Variants in NOSTRIN observed in about 807,000 individuals in gnomAD.
NOSTRIN encodes the protein nitric oxide synthase trafficking.
NOSTRIN carries 63 observed loss-of-function variants against 59.0 expected under a neutral mutation model. The ratio of observed to expected loss-of-function variants is 1.07; its 90% CI spans 0.87 to 1.32. The LOEUF (loss-of-function observed/expected upper bound fraction) is 1.32. Ranked by LOEUF, NOSTRIN falls within the 40% of genes most tolerant of loss-of-function variation. NOSTRIN has a pLI of 0.00. For synonymous variants in NOSTRIN, 200 were observed against 165.4 expected (o/e 1.21, Z -1.61); for missense variants, 512 against 473.1 (o/e 1.08, Z -0.76).
intron 3 of NOSTRIN, among the ~76,000 whole-genome samples, chr2:168,826,220 G>GAGGGGTGTAGGGGTGT (rs113089158): frequency 1.3e-5 from 2 of 151,040 alleles, no homozygotes; most frequent in East Asian, 1.9e-4. Context: ...CCTAAGGAAT[G>GAGGGGTGTAGGGGTGT]AGGGGTGTAG....
intron 4 of NOSTRIN, 60 bp downstream of exon 4, chr2:168,828,280 G>GT: frequency 1.1e-6 from 1 of 871,904 alleles, no homozygotes; most frequent in Non-Finnish European, 2.0e-6. Flanking sequence ...TTTAAAGTGG[G>GT]TTTGCTACAA....
In NOSTRIN at chr2:168,860,804, C is replaced by T; in HGVS notation, c.1189C>T (p.His397Tyr). 1.2e-6 allele frequency: 2 copies of T among 1,602,612 alleles called. No homozygotes were observed. The highest frequency in any genetic ancestry group is 8.6e-7 in the Non-Finnish European group (1 of 1,169,548). ...TATGTCATTTGAACAGGAGCATACT[C>T]ATAGCTATGTGAAAATATCTCGGCC... The part of the protein sequence containing the change: ...IFRWREKEHT[H>Y]SYVKISRPFL... Residue 397 changes from histidine (H) to tyrosine (Y), a missense_variant, in exon 14 of 16, where the codon CAT becomes TAT. His to Tyr is a moderately conservative substitution (Grantham distance 83, BLOSUM62 2). Coordinates refer to ENST00000317647, the MANE Select transcript of NOSTRIN (RefSeq NM_001039724.4).
chr2:168,839,709 T>C (rs1214517640), intron 7 of NOSTRIN, among the ~76,000 whole-genome samples: 1 of 149,270 alleles, frequency 6.7e-6, no homozygotes, highest in East Asian at 2.0e-4. Context: ...AGGTCAGGAG[T>C]TCAAGACCAG....
chr2:168,863,677 AGT>A, intron 15 of NOSTRIN: 22 of 983,758 alleles, frequency 2.2e-5, no homozygotes, highest in Non-Finnish European at 2.7e-5. Context: ...GCTGTGAGTG[AGT>A]TAAACTTTTG....
chr2:168,846,902 C>A (rs913548569), intron 8 of NOSTRIN, among the ~76,000 whole-genome samples: 1 of 152,168 alleles, frequency 6.6e-6, no homozygotes, highest in Non-Finnish European at 1.5e-5. Flanking sequence ...ATAAAATGGA[C>A]GCCTCAGGAC....
intron 7 of NOSTRIN, among the ~76,000 whole-genome samples, chr2:168,840,849 ACT>A (rs1182942214): frequency 1.3e-5 from 2 of 152,140 alleles, no homozygotes; most frequent in African/African-American, 4.8e-5. Flanking sequence ...TATAGTCAAA[ACT>A]CAGATTTTCT....
intron 2 of NOSTRIN, among the ~76,000 whole-genome samples, chr2:168,813,582 T>C (rs1284908437): frequency 6.6e-6 from 1 of 152,182 alleles, no homozygotes; most frequent in East Asian, 1.9e-4. Context: ...CCTATTAATG[T>C]GTGAAACCCT....
At chr2:168,819,483 C>T (rs889605907) in intron 2 of NOSTRIN, among the ~76,000 whole-genome samples, 1 of 152,138 alleles carries the variant, frequency 6.6e-6, no homozygotes, top group Admixed American at 6.5e-5. Context: ...TATAAAGGAG[C>T]GATTCTCTCA....
chr2:168,858,232 G>C (rs1280979836), intron 12 of NOSTRIN, among the ~76,000 whole-genome samples: 4 of 152,222 alleles, frequency 2.6e-5, no homozygotes, highest in Non-Finnish European at 1.5e-5. Context: ...CAAGGAGGGA[G>C]AGCATCTGAC....
chr2:168,817,995 A>T (rs1006411320), intron 2 of NOSTRIN, among the ~76,000 whole-genome samples: 1 of 152,184 alleles, frequency 6.6e-6, no homozygotes, highest in Non-Finnish European at 1.5e-5. Context: ...ATCCACCCCC[A>T]AACTGGAAGC....
intron 1 of NOSTRIN, among the ~76,000 whole-genome samples, chr2:168,810,721 T>C (rs1318885231): frequency 2.0e-5 from 3 of 152,166 alleles, no homozygotes; most frequent in Admixed American, 2.0e-4. Flanking sequence ...CAGTCTGCTG[T>C]TGCACCTCCC....
chr2:168,811,648 C>A lies in NOSTRIN; in HGVS notation c.109C>A (p.Gln37Lys), dbSNP rs778192785. The A allele has an allele frequency of 2.3e-6, 2 of 853,820 alleles. No homozygotes were observed. The highest frequency in any genetic ancestry group is 4.0e-6 in the Non-Finnish European group (2 of 494,858). The allele number at this position is 853,820 out of a possible 1,614,324, so 52.9% of individuals were successfully genotyped here. A position where few individuals can be genotyped will look rare whatever the true frequency, so the allele number is the denominator to read the frequency against. The change falls in exon 2 of 16, where the codon CAA (glutamine) becomes AAA (lysine). Residue 37 changes from glutamine (Q) to lysine (K), a missense_variant. Transcript: ENST00000317647. The stretch of plus-strand genomic sequence containing the variant: ...CAAACAGGTCACATCTGTTCTTCAG[C>A]AAAGGTACAAAATGCACGTTTGCAA... ...FCKQVTSVLQ[Q>K]RANLEISYAK...
chr2:168,814,874 T>C (rs950231399), intron 2 of NOSTRIN, among the ~76,000 whole-genome samples: 1 of 152,258 alleles, frequency 6.6e-6, no homozygotes. Flanking sequence ...GAGACCAGCC[T>C]GTTCAACAAA....
chr2:168,801,458 A>G (rs1685613176), upstream of NOSTRIN, among the ~76,000 whole-genome samples: 1 of 151,988 alleles, frequency 6.6e-6, no homozygotes, highest in South Asian at 2.1e-4. Context: ...CCTGGCCTCA[A>G]GTGACCCTCT....
In NOSTRIN at chr2:168,851,088, T is replaced by C. The variant is rs1356594334; in HGVS notation, c.635T>C (p.Ile212Thr). 6.7e-7 allele frequency: 1 copy of C among 1,498,916 alleles called. No homozygotes were observed. Among genetic ancestry groups the C allele is most frequent in the Non-Finnish European group, 9.3e-7 (1 of 1,074,882 alleles). 92.9% of individuals were successfully genotyped at this position (1,498,916 alleles called of 1,614,324 possible). The part of the protein sequence containing the change: ...ENTLENCYQS[I>T]LELEKERIQL... ...CCCAATTTTCATTCTTTTCAGAGCA[T>C]TCTGGAGCTGGAGAAGGAAAGAATT... The change falls in exon 9 of 16, where the codon ATT (isoleucine) becomes ACT (threonine). Residue 212 changes from isoleucine (I) to threonine (T), a missense_variant. Coordinates refer to ENST00000317647, the MANE Select transcript of NOSTRIN (RefSeq NM_001039724.4).
chr2:168,855,911 C>A (rs1289979196), intron 11 of NOSTRIN: 1 of 454,098 alleles, frequency 2.2e-6, no homozygotes, highest in African/African-American at 2.0e-5. Context: ...GACTGTGAAG[C>A]AGCTCTAAAG....
chr2:168,802,349 T>G (rs1054905063), upstream of NOSTRIN: 1 of 348,488 alleles, frequency 2.9e-6, no homozygotes. Flanking sequence ...TGTTACAGCT[T>G]CTCTGCCTTC....
intron 8 of NOSTRIN, chr2:168,850,702 CAGG>C: frequency 4.8e-6 from 3 of 621,688 alleles, no homozygotes; most frequent in South Asian, 2.1e-5. Flanking sequence ...CATCTGAGGT[CAGG>C]AGTTCAAGGC....
intron 3 of NOSTRIN, 32 bp from the exon 4 acceptor site, chr2:168,828,126 C>T (rs746642408): frequency 1.1e-6 from 1 of 872,572 alleles, no homozygotes; most frequent in Non-Finnish European, 2.0e-6. Context: ...AAATGACACT[C>T]ACCTTTGTTC....
Sources: allele counts gnomAD v4.1 joint callset (sites outside exome capture counted in the v4.1 genomes callset), GRCh38; gene constraint gnomAD v4.1.1; transcripts MANE v1.5; gene names NCBI Gene and HGNC (gene_info 2026-07-23, HGNC 2026-07-21).